The following SLIT2 variants were observed in gnomAD, a reference collection of about 807,000 sequenced individuals.
SLIT2 encodes the protein slit homolog 2 protein.
SLIT2 carries 41 observed loss-of-function variants against 185.7 expected under a neutral mutation model. The ratio of observed to expected loss-of-function variants is 0.22; its 90% CI spans 0.17 to 0.29. The LOEUF (loss-of-function observed/expected upper bound fraction) is 0.29. Ranked by LOEUF, SLIT2 falls within the 10% of genes least tolerant of loss-of-function variation. The pLI is 1.00. For synonymous variants in SLIT2, 693 were observed against 680.2 expected (o/e 1.02, Z -0.29); for missense variants, 1,571 against 1,909.0 (o/e 0.82, Z 3.30).
chr4:20,389,108 T>C (rs142028733), intron 4 of SLIT2, among the ~76,000 whole-genome samples: 2,628 of 150,798 alleles, frequency 0.017, 64 homozygotes, highest in African/African-American at 0.059. Flanking sequence ...TTGTGGTGGG[T>C]AGACATTACT....
At chr4:20,446,558 T>C (rs1426630401) in intron 4 of SLIT2, among the ~76,000 whole-genome samples, 5 of 152,238 alleles carry the variant, frequency 3.3e-5, no homozygotes, top group Non-Finnish European at 5.9e-5. Context: ...TCTCTTCCCT[T>C]ACTATCAAAA....
intron 33 of SLIT2, among the ~76,000 whole-genome samples, chr4:20,601,026 A>G (rs1162324947): frequency 6.6e-6 from 1 of 152,164 alleles, no homozygotes; most frequent in Non-Finnish European, 1.5e-5. Context: ...GTAAGGAAGA[A>G]CAAGTTCAAA....
At chr4:20,589,278 C>A (rs887929204) in intron 29 of SLIT2, among the ~76,000 whole-genome samples, 7 of 151,870 alleles carry the variant, frequency 4.6e-5, no homozygotes, top group African/African-American at 1.7e-4. Flanking sequence ...TAATCATTAC[C>A]AATTTATTCA....
At chr4:20,471,778 A>G (rs1320783422) in intron 5 of SLIT2, among the ~76,000 whole-genome samples, 1 of 152,178 alleles carries the variant, frequency 6.6e-6, no homozygotes, top group East Asian at 1.9e-4. Context: ...TTTGCAGATT[A>G]GCAGATCTCA....
chr4:20,384,319 A>G (rs1266923125), intron 4 of SLIT2, among the ~76,000 whole-genome samples: 1 of 152,188 alleles, frequency 6.6e-6, no homozygotes, highest in Admixed American at 6.5e-5. Context: ...ATATTCCAGG[A>G]AAATCAAAAT....
At chr4:20,389,563 A>G (rs180759593) in intron 4 of SLIT2, among the ~76,000 whole-genome samples, 1 of 151,666 alleles carries the variant, frequency 6.6e-6, no homozygotes, top group East Asian at 1.9e-4. Context: ...AGATTTTGAG[A>G]GTGTTTTGTG....
At chr4:20,278,322 T>C (rs1426183660) in intron 4 of SLIT2, among the ~76,000 whole-genome samples, 1 of 152,160 alleles carries the variant, frequency 6.6e-6, no homozygotes, top group African/African-American at 2.4e-5. Flanking sequence ...GAAAATGGAA[T>C]GTTGTTAAAA....
intron 29 of SLIT2, among the ~76,000 whole-genome samples, chr4:20,575,349 T>G (rs1725997357): frequency 6.6e-6 from 1 of 152,214 alleles, no homozygotes; most frequent in African/African-American, 2.4e-5. Flanking sequence ...AGAATTTCCA[T>G]TTTTTTCTAG....
intron 18 of SLIT2, among the ~76,000 whole-genome samples, chr4:20,535,808 T>C (rs1410487017): frequency 6.6e-6 from 1 of 152,106 alleles, no homozygotes; most frequent in Non-Finnish European, 1.5e-5. Context: ...CAGGATGGGA[T>C]CCACACAATC....
At chr4:20,454,468 G>A (rs775873310) in intron 4 of SLIT2, among the ~76,000 whole-genome samples, 6 of 152,092 alleles carry the variant, frequency 3.9e-5, no homozygotes, top group Non-Finnish European at 7.4e-5. Flanking sequence ...CTCATTTACC[G>A]TCCACATTTA....
intron 4 of SLIT2, among the ~76,000 whole-genome samples, chr4:20,317,629 T>G (rs1273178010): frequency 6.6e-6 from 1 of 152,036 alleles, no homozygotes; most frequent in Non-Finnish European, 1.5e-5. Context: ...CTTCTAAGTT[T>G]GTTATGAGGA....
chr4:20,550,705 T>TGTTA (rs1341681127), intron 24 of SLIT2, 122 bp from the exon 25 acceptor site: 1 of 514,396 alleles, frequency 1.9e-6, no homozygotes, highest in African/African-American at 2.0e-5. Flanking sequence ...ACTGTTTATT[T>TGTTA]TATAGACCGT....
chr4:20,399,957 C>T (rs1347833593), intron 4 of SLIT2, among the ~76,000 whole-genome samples: 1 of 151,750 alleles, frequency 6.6e-6, no homozygotes, highest in East Asian at 1.9e-4. Context: ...GATAAATGCA[C>T]TGACTGAAGA....
chr4:20,531,091 C>T (rs929600192), intron 16 of SLIT2, among the ~76,000 whole-genome samples: 2 of 152,072 alleles, frequency 1.3e-5, no homozygotes, highest in African/African-American at 2.4e-5. Flanking sequence ...GAGTTAATCA[C>T]GATTTACCAT....
At chr4:20,383,732 ACT>A (rs1298231060) in intron 4 of SLIT2, among the ~76,000 whole-genome samples, 1 of 151,776 alleles carries the variant, frequency 6.6e-6, no homozygotes, top group Admixed American at 6.6e-5. Flanking sequence ...CTGGAGCCTC[ACT>A]CTGTGTTGCC....
chr4:20,312,391 T>C (rs1718188158), intron 4 of SLIT2, among the ~76,000 whole-genome samples: 2 of 152,192 alleles, frequency 1.3e-5, no homozygotes, highest in Non-Finnish European at 2.9e-5. Context: ...TCATTTTTAA[T>C]TTATGTTCAC....
intron 12 of SLIT2, among the ~76,000 whole-genome samples, chr4:20,522,262 T>C (rs866794617): frequency 8.5e-5 from 13 of 152,182 alleles, no homozygotes; most frequent in African/African-American, 2.7e-4. Flanking sequence ...CTGTCCTGTA[T>C]GTGTTTCCAA....
At chr4:20,336,584 G>C (rs1467794648) in intron 4 of SLIT2, among the ~76,000 whole-genome samples, 8 of 152,130 alleles carry the variant, frequency 5.3e-5, no homozygotes, top group Non-Finnish European at 1.2e-4. Context: ...TAATGTAGAT[G>C]ATGAGTTAAT....
chr4:20,473,695 T>A (rs901316813), intron 5 of SLIT2, among the ~76,000 whole-genome samples: 4 of 152,086 alleles, frequency 2.6e-5, no homozygotes, highest in African/African-American at 7.2e-5. Context: ...TATTTCATCA[T>A]ATTTTTAATT....
Sources: allele counts gnomAD v4.1 joint callset (sites outside exome capture counted in the v4.1 genomes callset), GRCh38; gene constraint gnomAD v4.1.1; transcripts MANE v1.5; gene names NCBI Gene and HGNC (gene_info 2026-07-23, HGNC 2026-07-21).